Variants in ZFYVE9 observed in about 807,000 individuals in gnomAD.
ZFYVE9 encodes zinc finger FYVE-type containing 9.
ZFYVE9 carries 43 observed loss-of-function variants against 126.7 expected under a neutral mutation model. That is an observed-to-expected ratio of 0.34 (90% CI 0.27 to 0.44). The LOEUF (loss-of-function observed/expected upper bound fraction) is 0.44, where lower values mean the gene tolerates loss of function less well. Ranked by LOEUF, ZFYVE9 falls within the 20% of genes least tolerant of loss-of-function variation. ZFYVE9 has a pLI of 1.00. For missense variants in ZFYVE9, 1,476 were observed against 1,697.0 expected (o/e 0.87, Z 2.29); for synonymous variants, 521 against 597.4 (o/e 0.87, Z 1.87).
chr1:52,345,943 T>C (rs1187564697), intron 18 of ZFYVE9, 117 bp from the exon 19 acceptor site: 2 of 1,049,298 alleles, frequency 1.9e-6, no homozygotes, highest in Admixed American at 5.1e-5. Context: ...TTCACTGCCA[T>C]ATGTTTAGCC....
chr1:52,166,390 T>C (rs1288570078), intron 1 of ZFYVE9, among the ~76,000 whole-genome samples: 1 of 152,164 alleles, frequency 6.6e-6, no homozygotes, highest in East Asian at 1.9e-4. Flanking sequence ...ACTCATCCCA[T>C]TTTTAGTTTG....
chr1:52,162,207 G>T, intron 1 of ZFYVE9: 1 of 236,946 alleles, frequency 4.2e-6, no homozygotes. Context: ...CTGCAGGAAT[G>T]AGATCTTGAT....
chr1:52,288,726 A>G (rs1487836040), intron 10 of ZFYVE9, among the ~76,000 whole-genome samples: 1 of 152,058 alleles, frequency 6.6e-6, no homozygotes, highest in East Asian at 1.9e-4. Flanking sequence ...TGAGTTTGAG[A>G]CCAGCTTGGC....
intron 2 of ZFYVE9, among the ~76,000 whole-genome samples, chr1:52,222,956 A>G (rs1407101073): frequency 1.3e-5 from 2 of 152,114 alleles, no homozygotes; most frequent in South Asian, 4.2e-4. Context: ...TTCCTCTAGA[A>G]TTTTTGCCCT....
chr1:52,307,746 T>C (rs1273274992), intron 13 of ZFYVE9, among the ~76,000 whole-genome samples: 5 of 151,848 alleles, frequency 3.3e-5, no homozygotes, highest in African/African-American at 1.2e-4. Context: ...AATTTTCTTT[T>C]TTCTTCTTTT....
At chr1:52,302,632 T>A (rs1646046037) in intron 12 of ZFYVE9, among the ~76,000 whole-genome samples, 1 of 151,928 alleles carries the variant, frequency 6.6e-6, no homozygotes, top group Admixed American at 6.6e-5. Flanking sequence ...ATTCCTGTAA[T>A]CCCAGCTACT....
chr1:52,175,793 G>A (rs920242092), intron 1 of ZFYVE9, among the ~76,000 whole-genome samples: 15 of 151,968 alleles, frequency 9.9e-5, no homozygotes, highest in African/African-American at 7.3e-5. Flanking sequence ...CCAGTTGATC[G>A]CATCGGCTCC....
intron 2 of ZFYVE9, among the ~76,000 whole-genome samples, chr1:52,222,714 G>A (rs1402679492): frequency 6.6e-6 from 1 of 152,188 alleles, no homozygotes; most frequent in Non-Finnish European, 1.5e-5. Flanking sequence ...AATTTGGCAT[G>A]GATTGGAGGA....
Position 52,148,947 on chromosome 1 carries a change from A to ATTTTTTTT in ZFYVE9, c.-143+6572_-143+6579dup, listed in dbSNP as rs56300233. On this transcript the variant is annotated intron_variant, in intron 1 of 18. Transcript: ENST00000287727. The stretch of plus-strand genomic sequence containing the variant: ...AGCCACTGTTCCCAGCCTTAACATG[A>ATTTTTTTT]TTTTTTTTTTTTTTTTTTTTTTTTT... Among the ~76,000 whole-genome samples the ATTTTTTTT allele has an allele frequency of 1.2e-4, 4 of 34,252 alleles. 1 individual carries two copies. Among genetic ancestry groups the ATTTTTTTT allele is most frequent in the East Asian group, 2.4e-3 (2 of 844 alleles). 22.5% of individuals were successfully genotyped at this position (34,252 alleles called of 152,430 possible). A position where few individuals can be genotyped will look rare whatever the true frequency, so the allele number is the denominator to read the frequency against.
intron 1 of ZFYVE9, chr1:52,180,633 G>C: frequency 2.1e-6 from 1 of 483,960 alleles, no homozygotes; most frequent in East Asian, 3.9e-5. Context: ...GAATTCTTCT[G>C]GTTTTTAGTT....
At chr1:52,182,610 T>C (rs1391709665) in intron 1 of ZFYVE9, among the ~76,000 whole-genome samples, 1 of 151,848 alleles carries the variant, frequency 6.6e-6, no homozygotes, top group Non-Finnish European at 1.5e-5. Flanking sequence ...ACACAAACAC[T>C]GCGGAAGGCT....
intron 2 of ZFYVE9, among the ~76,000 whole-genome samples, chr1:52,228,543 G>GCACACCTTTCTTCCCTTCC (rs1553127031): frequency 1.3e-5 from 2 of 152,012 alleles, no homozygotes; most frequent in Admixed American, 1.3e-4. Flanking sequence ...TGTCCCTTTT[G>GCACACCTTTCTTCCCTTCC]CACACCTTTC....
At chr1:52,328,292 A>G (rs1557522207) in intron 13 of ZFYVE9, among the ~76,000 whole-genome samples, 1 of 152,248 alleles carries the variant, frequency 6.6e-6, no homozygotes, top group Non-Finnish European at 1.5e-5. Flanking sequence ...GCCTTGAACT[A>G]TGGTGAAAAT....
chr1:52,281,733 T>C lies in ZFYVE9; in HGVS notation c.2942T>C (p.Leu981Pro). 1 of 1,614,230 alleles carries C rather than the reference T, an allele frequency of 6.2e-7. No homozygotes were observed. Among genetic ancestry groups the C allele is most frequent in the Non-Finnish European group, 8.5e-7 (1 of 1,180,026 alleles). The change falls in exon 10 of 19, where the codon CTT (leucine) becomes CCT (proline). Residue 981 changes from leucine (L) to proline (P), a missense_variant. Coordinates refer to ENST00000287727, the MANE Select transcript of ZFYVE9 (RefSeq NM_004799.4). ...HAVGQSEIVI[L>P]LQCLPDEKCL... is the part of the protein sequence containing the mutation. ...GTGGGTCAGTCTGAGATAGTCATTC[T>C]TCTACAGTGTTTACCGGATGAAAAG... is the stretch of plus-strand genomic sequence containing the variant.
intron 10 of ZFYVE9, among the ~76,000 whole-genome samples, chr1:52,282,921 G>A (rs1645818633): frequency 2.0e-5 from 3 of 152,120 alleles, no homozygotes; most frequent in Admixed American, 2.0e-4. Context: ...ATATATAATT[G>A]TATTTTTAAT....
At chr1:52,260,911 T>G (rs1383047094) in intron 4 of ZFYVE9, among the ~76,000 whole-genome samples, 1 of 152,142 alleles carries the variant, frequency 6.6e-6, no homozygotes, top group Non-Finnish European at 1.5e-5. Context: ...CCTCAGCATA[T>G]TCCATGCATC....
chr1:52,206,111 TA>T (rs1644975665), intron 1 of ZFYVE9, among the ~76,000 whole-genome samples: 1 of 151,970 alleles, frequency 6.6e-6, no homozygotes, highest in Non-Finnish European at 1.5e-5. Context: ...GAAAAAAAAA[TA>T]ACAGTTATAA....
chr1:52,201,110 C>A (rs574056267), intron 1 of ZFYVE9, among the ~76,000 whole-genome samples: 1 of 152,068 alleles, frequency 6.6e-6, no homozygotes, highest in African/African-American at 2.4e-5. Context: ...TCTTTCTGTT[C>A]GTGAACATGG....
At chr1:52,337,684 T>G (rs1446915304) in intron 15 of ZFYVE9, 88 bp from the exon 16 acceptor site, 4 of 1,481,590 alleles carry the variant, frequency 2.7e-6, no homozygotes, top group East Asian at 2.3e-5. Context: ...AAAGCAGAGC[T>G]AAGGTTTACA....
Sources: allele counts gnomAD v4.1 joint callset (sites outside exome capture counted in the v4.1 genomes callset), GRCh38; gene constraint gnomAD v4.1.1; transcripts MANE v1.5; gene names NCBI Gene and HGNC (gene_info 2026-07-23, HGNC 2026-07-21).